MDFIC2: variants seen among roughly 807,000 people sequenced by gnomAD.
MDFIC2 encodes the protein MyoD family inhibitor domain containing 2.
At chr3:70,283,171 C>T (rs1702106031) in intron 2 of MDFIC2, among the ~76,000 whole-genome samples, 1 of 152,096 alleles carries the variant, frequency 6.6e-6, no homozygotes, top group African/African-American at 2.4e-5. Flanking sequence ...TGAGCATAAG[C>T]AGTCCTGTGG....
At chr3:70,296,785 A>G (rs977831024) in intron 2 of MDFIC2, among the ~76,000 whole-genome samples, 3 of 151,828 alleles carry the variant, frequency 2.0e-5, no homozygotes, top group Non-Finnish European at 4.4e-5. Flanking sequence ...CTTTCTTCCA[A>G]TCTGCTTTTT....
At chr3:70,207,661 A>T (rs1375358470) in intron 2 of MDFIC2, among the ~76,000 whole-genome samples, 1 of 152,138 alleles carries the variant, frequency 6.6e-6, no homozygotes, top group Non-Finnish European at 1.5e-5. Flanking sequence ...AACAATAAAA[A>T]TGATACAAAT....
intron 2 of MDFIC2, among the ~76,000 whole-genome samples, chr3:70,237,284 A>T (rs902964405): frequency 6.6e-6 from 1 of 152,194 alleles, no homozygotes; most frequent in Non-Finnish European, 1.5e-5. Context: ...TCCAGTGCGG[A>T]TACACCACAA....
chr3:70,272,022 C>G (rs552172313), intron 2 of MDFIC2: 1 of 152,380 alleles, frequency 6.6e-6, no homozygotes, highest in African/African-American at 2.4e-5. Flanking sequence ...CTTGGCCTCC[C>G]AAAGTGCTGG....
chr3:70,214,607 C>T (rs371570427), intron 2 of MDFIC2, among the ~76,000 whole-genome samples: 1 of 140,310 alleles, frequency 7.1e-6, no homozygotes, highest in Non-Finnish European at 1.5e-5. Context: ...CTGAAGTGGG[C>T]TTTTTTTTTT....
chr3:70,238,892 T>G (rs1349995344), intron 2 of MDFIC2, among the ~76,000 whole-genome samples: 1 of 152,228 alleles, frequency 6.6e-6, no homozygotes, highest in Non-Finnish European at 1.5e-5. Context: ...TTCTTCTGAC[T>G]CTATTTTCTT....
In MDFIC2 at chr3:70,283,544, G is replaced by T. The variant is rs561295483; in HGVS notation, c.88+28342C>A. The T allele has an allele frequency of 1.8e-4, 28 of 152,238 alleles. 1 individual carries two copies. The highest frequency in any genetic ancestry group is 6.5e-4 in the African/African-American group (27 of 41,546). 9.4% of individuals were successfully genotyped at this position (152,238 alleles called of 1,614,324 possible). ...ACAGAACTGGGTTGAAATCACAAAT[G>T]TCAGCCTCCCCTAGCCTCTGTTACC... On this transcript the variant is annotated intron_variant, in intron 2 of 3. Transcript: ENST00000567252.
chr3:70,283,014 A>T (rs895686625), intron 2 of MDFIC2, among the ~76,000 whole-genome samples: 2 of 152,210 alleles, frequency 1.3e-5, no homozygotes, highest in Non-Finnish European at 2.9e-5. Context: ...CTGAAAAAAC[A>T]GTTGATTACA....
intron 2 of MDFIC2, among the ~76,000 whole-genome samples, chr3:70,243,066 T>C (rs1363485385): frequency 6.6e-6 from 1 of 152,180 alleles, no homozygotes; most frequent in African/African-American, 2.4e-5. Context: ...GGAGTTCTAA[T>C]TGTAAGGTGG....
intron 2 of MDFIC2, among the ~76,000 whole-genome samples, chr3:70,259,490 G>A (rs1701845918): frequency 6.6e-6 from 1 of 152,068 alleles, no homozygotes. Context: ...AGCACTTGAA[G>A]GGCAGGGAGT....
At chr3:70,301,002 T>C (rs1300243138) in intron 2 of MDFIC2, among the ~76,000 whole-genome samples, 1 of 152,234 alleles carries the variant, frequency 6.6e-6, no homozygotes, top group East Asian at 1.9e-4. Context: ...CTTGGAAAAG[T>C]GAACTCCTTA....
intron 2 of MDFIC2, among the ~76,000 whole-genome samples, chr3:70,210,979 T>C (rs568159672): frequency 6.6e-6 from 1 of 152,230 alleles, no homozygotes; most frequent in South Asian, 2.1e-4. Flanking sequence ...ACAGGAGCTA[T>C]TAATTTATTT....
chr3:70,290,853 T>G (rs1702230409), intron 2 of MDFIC2, among the ~76,000 whole-genome samples: 1 of 152,138 alleles, frequency 6.6e-6, no homozygotes, highest in South Asian at 2.1e-4. Context: ...TTTCTTTGAC[T>G]AGGAAAGGGA....
At chr3:70,252,292 G>A (rs925996411) in intron 2 of MDFIC2, among the ~76,000 whole-genome samples, 3 of 152,066 alleles carry the variant, frequency 2.0e-5, no homozygotes, top group Non-Finnish European at 2.9e-5. Flanking sequence ...CGTATGCTGT[G>A]ATTTTCCATT....
rs1271311109 is a variant in MDFIC2 at position 70,287,679 on chromosome 3, G to A, written c.88+24207C>T. Among the ~76,000 whole-genome samples, 491 of 151,520 alleles carry A rather than the reference G, an allele frequency of 3.2e-3. 6 individuals carry two copies. The highest frequency in any genetic ancestry group is 0.011 in the African/African-American group (467 of 41,278). ...TCTGGTAGAATTTGGCTGTGAATCC[G>A]TCTGGTCCTGGACTCTTTTTGGTTG... On this transcript the variant is annotated intron_variant, in intron 2 of 3. Coordinates refer to ENST00000567252, the MANE Select transcript of MDFIC2 (RefSeq NM_001364677.1).
intron 2 of MDFIC2, among the ~76,000 whole-genome samples, chr3:70,252,692 T>C (rs1335475566): frequency 6.6e-6 from 1 of 152,214 alleles, no homozygotes; most frequent in Non-Finnish European, 1.5e-5. Context: ...CCTATGTTTA[T>C]TTATTTATTT....
chr3:70,290,439 T>A (rs1302410323), intron 2 of MDFIC2, among the ~76,000 whole-genome samples: 3 of 152,210 alleles, frequency 2.0e-5, no homozygotes, highest in Admixed American at 2.0e-4. Flanking sequence ...AGCTGCGTAC[T>A]GGGAGAACCA....
At chr3:70,252,078 A>C (rs1195159210) in intron 2 of MDFIC2, among the ~76,000 whole-genome samples, 1 of 152,188 alleles carries the variant, frequency 6.6e-6, no homozygotes. Context: ...TAAGTCTTTC[A>C]ATTCTAAGCT....
intron 2 of MDFIC2, among the ~76,000 whole-genome samples, chr3:70,208,510 T>A (rs956451395): frequency 6.6e-6 from 1 of 152,070 alleles, no homozygotes; most frequent in African/African-American, 2.4e-5. Context: ...ATTCAGAATT[T>A]TTAAAGCTCT....
Sources: gnomAD v4.1 joint callset for allele counts (sites outside exome capture counted in the v4.1 genomes callset) on GRCh38, gnomAD v4.1.1 for gene constraint, MANE v1.5 for transcripts, NCBI Gene and HGNC (gene_info 2026-07-23, HGNC 2026-07-21) for gene names.